Variants in TBXAS1 observed in about 807,000 individuals in gnomAD.
TBXAS1 encodes thromboxane-A synthase.
TBXAS1 carries 48 observed loss-of-function variants against 60.7 expected under a neutral mutation model. The observed-to-expected ratio is 0.79, with a 90% CI of 0.63 to 1.01. The LOEUF (loss-of-function observed/expected upper bound fraction) is 1.01, where lower values mean the gene tolerates loss of function less well. Ranked by LOEUF, TBXAS1 falls within the 50% of genes least tolerant of loss-of-function variation. TBXAS1 has a pLI of 0.00. For missense variants in TBXAS1, 685 were observed against 686.3 expected, an observed-to-expected ratio of 1.00 and a Z score of 0.02; for synonymous variants, 287 against 269.7, an observed-to-expected ratio of 1.06 and a Z score of -0.63.
At chr7:139,918,557 G>GC (rs1347370064) in intron 4 of TBXAS1, among the ~76,000 whole-genome samples, 1 of 152,140 alleles carries the variant, frequency 6.6e-6, no homozygotes, top group Non-Finnish European at 1.5e-5. Flanking sequence ...GAGTTAACAA[G>GC]CCCCCAGATT....
intron 3 of TBXAS1, among the ~76,000 whole-genome samples, chr7:139,785,182 A>C (rs571530151): frequency 6.6e-6 from 1 of 152,292 alleles, no homozygotes; most frequent in East Asian, 1.9e-4. Context: ...CTGATCATTT[A>C]GGGGCCGTGT....
intron 9 of TBXAS1, among the ~76,000 whole-genome samples, chr7:139,994,304 A>C (rs959074566): frequency 5.9e-5 from 9 of 152,162 alleles, no homozygotes; most frequent in Admixed American, 5.9e-4. Flanking sequence ...TGGCCTCCCA[A>C]AGTGCTGGGA....
At chr7:139,875,750 T>C (rs1802184889) in intron 3 of TBXAS1, 113 bp downstream of exon 3, 2 of 1,338,138 alleles carry the variant, frequency 1.5e-6, no homozygotes, top group Non-Finnish European at 2.1e-6. Flanking sequence ...AGGAATGTTG[T>C]ATGTGTTTCT....
At chr7:139,947,821 G>A (rs1808858371) in intron 5 of TBXAS1, among the ~76,000 whole-genome samples, 1 of 151,986 alleles carries the variant, frequency 6.6e-6, no homozygotes, top group South Asian at 2.1e-4. Context: ...GTCTTAGCTT[G>A]GGCTGTCATA....
At chr7:139,843,127 G>A (rs1799574398) in intron 1 of TBXAS1, among the ~76,000 whole-genome samples, 1 of 152,068 alleles carries the variant, frequency 6.6e-6, no homozygotes, top group Non-Finnish European at 1.5e-5. Flanking sequence ...TTCCCTCCAA[G>A]CTGCACAGCG....
chr7:139,861,710 A>T (rs1336763706), intron 1 of TBXAS1, among the ~76,000 whole-genome samples: 3 of 152,310 alleles, frequency 2.0e-5, no homozygotes, highest in Non-Finnish European at 4.4e-5. Flanking sequence ...TTTTTGTATT[A>T]TTGTGAACTC....
At chr7:139,832,141 C>CAGA (rs1478378910) in intron 1 of TBXAS1, among the ~76,000 whole-genome samples, 1 of 152,118 alleles carries the variant, frequency 6.6e-6, no homozygotes, top group Non-Finnish European at 1.5e-5. Flanking sequence ...CTGTAGGGCC[C>CAGA]AGAAGACACC....
intron 4 of TBXAS1, among the ~76,000 whole-genome samples, chr7:139,935,659 G>A: frequency 6.6e-6 from 1 of 151,870 alleles, no homozygotes; most frequent in East Asian, 1.9e-4. Context: ...GCTCCCGGAA[G>A]CAGTTCTCCT....
intron 3 of TBXAS1, among the ~76,000 whole-genome samples, chr7:139,785,625 T>G (rs1272802234): frequency 6.6e-6 from 1 of 152,060 alleles, no homozygotes; most frequent in Admixed American, 6.6e-5. Context: ...AGTCTCTCCC[T>G]CGTCTTTAAT....
At chr7:139,891,881 TA>T (rs1410967825) in intron 3 of TBXAS1, among the ~76,000 whole-genome samples, 2 of 152,112 alleles carry the variant, frequency 1.3e-5, no homozygotes, top group African/African-American at 4.8e-5. Flanking sequence ...TAAAAGGAAT[TA>T]GGGGGAGAGT....
intron 3 of TBXAS1, among the ~76,000 whole-genome samples, chr7:139,905,750 TAGTC>T (rs753590402): frequency 2.6e-5 from 4 of 152,142 alleles, no homozygotes; most frequent in Non-Finnish European, 5.9e-5. Context: ...TGCAAGTCCT[TAGTC>T]AGGTAGGTAG....
At chr7:139,858,911 C>T (rs913709506) in intron 1 of TBXAS1, among the ~76,000 whole-genome samples, 2 of 152,194 alleles carry the variant, frequency 1.3e-5, no homozygotes, top group South Asian at 4.1e-4. Context: ...TCTCGTTGCC[C>T]AGGCTGGAGT....
Position 139,934,116 on chromosome 7 carries a change from T to C in TBXAS1, c.334-2075T>C, listed in dbSNP as rs192706425. ...GAAAATTCACTTTCCATCTAGTTGT[T>C]AGCTTATGAGCTTACTCTCTGCTTC... On this transcript the variant is annotated intron_variant, in intron 4 of 12. Coordinates refer to ENST00000448866, the MANE Select transcript of TBXAS1 (RefSeq NM_001061.7). Among the ~76,000 whole-genome samples, 66 of 152,330 alleles carry C rather than the reference T, an allele frequency of 4.3e-4. 1 individual carries two copies. In the East Asian group the frequency reaches 0.011, roughly 25 times the overall value.
chr7:139,878,917 G>A (rs1250794511), intron 3 of TBXAS1, among the ~76,000 whole-genome samples: 1 of 152,120 alleles, frequency 6.6e-6, no homozygotes, highest in East Asian at 1.9e-4. Flanking sequence ...GATGTATTGG[G>A]CCTTTAGATG....
chr7:139,806,247 T>C (rs1569492629), intron 4 of TBXAS1, among the ~76,000 whole-genome samples: 1 of 143,532 alleles, frequency 7.0e-6, no homozygotes, highest in Non-Finnish European at 1.5e-5. Context: ...CCTATGTTAT[T>C]TTATTTTATT....
At chr7:139,794,779 C>T (rs1043441003) in intron 4 of TBXAS1, among the ~76,000 whole-genome samples, 1 of 149,914 alleles carries the variant, frequency 6.7e-6, no homozygotes, top group African/African-American at 2.5e-5. Flanking sequence ...GTTTTTTGTT[C>T]TTGTGATAGT....
intron 1 of TBXAS1, among the ~76,000 whole-genome samples, chr7:139,833,777 A>C (rs1302952550): frequency 6.6e-6 from 1 of 152,206 alleles, no homozygotes; most frequent in Admixed American, 6.5e-5. Context: ...TTAAACATAT[A>C]TGCACCTAAA....
intron 5 of TBXAS1, among the ~76,000 whole-genome samples, chr7:139,948,213 G>C (rs906781327): frequency 1.3e-5 from 2 of 152,118 alleles, no homozygotes; most frequent in Non-Finnish European, 2.9e-5. Context: ...CAGCGTTGTT[G>C]GTTTCCAGGG....
chr7:139,829,018 G>C, upstream of TBXAS1: 1 of 372,226 alleles, frequency 2.7e-6, no homozygotes, highest in South Asian at 2.1e-5. Context: ...TTTTGGAGAA[G>C]AGTCTCTCTT....
Sources: allele counts gnomAD v4.1 joint callset (sites outside exome capture counted in the v4.1 genomes callset), GRCh38; gene constraint gnomAD v4.1.1; transcripts MANE v1.5; gene names NCBI Gene and HGNC (gene_info 2026-07-23, HGNC 2026-07-21).